The following C17orf107 variants were observed in gnomAD, a reference collection of about 807,000 sequenced individuals.
The protein encoded by C17orf107 is chromosome 17 open reading frame 107, also known as uncharacterized protein C17orf107.
Under a neutral mutation model 8.9 loss-of-function variants are expected in C17orf107, and 9 were observed. That is an observed-to-expected ratio of 1.02 (90% confidence interval 0.61 to 1.77). The LOEUF is 1.77. C17orf107 is among the 40% of genes most tolerant of loss of function. C17orf107 has a pLI of 0.00. For missense variants in C17orf107, 281 were observed against 249.0 expected, an observed-to-expected ratio of 1.13 and a Z score of -0.86; for synonymous variants, 139 against 120.3, an observed-to-expected ratio of 1.16 and a Z score of -1.02.
At position 4,901,967 on chromosome 17, in the gene C17orf107, G is replaced by A. The variant is rs139625105; in HGVS notation, c.*1434G>A. ...GCGAACAGTTCTGCCAATCGAAGGGGAAGTAGGTGACCTCCACTGCGCAGA... is the reference window on the plus strand; with the variant it reads ...GCGAACAGTTCTGCCAATCGAAGGGAAAGTAGGTGACCTCCACTGCGCAGA... On this transcript the variant is annotated 3_prime_UTR_variant, in exon 3 of 3. Coordinates refer to ENST00000381365, the MANE Select transcript of C17orf107 (RefSeq NM_001145536.2). The A allele has an allele frequency of 2.8e-4, 456 of 1,614,032 alleles. 1 individual carries two copies. Among genetic ancestry groups the A allele is most frequent in the South Asian group, 7.6e-4 (69 of 91,084 alleles).
rs753951775 is a variant in C17orf107 at position 4,901,043 on chromosome 17, G to C, written c.*510G>C. Reference sequence around the variant, plus strand: ...CACCAGGCCCGAGATGAGCACACAGGGCACGATGATGTTAATGACGTAGAA... The same window carrying C: ...CACCAGGCCCGAGATGAGCACACAGCGCACGATGATGTTAATGACGTAGAA... On this transcript the variant is annotated 3_prime_UTR_variant, in exon 3 of 3. Transcript: ENST00000381365. 6.2e-7 allele frequency: 1 copy of C among 1,613,914 alleles called. No homozygotes were observed. The highest frequency in any genetic ancestry group is 8.5e-7 in the Non-Finnish European group (1 of 1,179,970).
rs1969977395 is a variant in C17orf107, at chr17:4,901,299, A to AGGATG, written c.*769_*773dup. On this transcript the variant is annotated 3_prime_UTR_variant, in exon 3 of 3. Coordinates refer to ENST00000381365, the MANE Select transcript of C17orf107 (RefSeq NM_001145536.2). Reference sequence around the variant, plus strand: ...GTCTGCACCAGGGTCATGGGCCGTCAGGATGGGGGCAATTACGGACAGAAA... The same window carrying AGGATG: ...GTCTGCACCAGGGTCATGGGCCGTCAGGATGGGATGGGGGCAATTACGGACAGAAA... 5 of 1,256,612 alleles carry AGGATG rather than the reference A, an allele frequency of 4.0e-6. No homozygotes were observed. Among genetic ancestry groups the AGGATG allele is most frequent in the Admixed American group, 1.9e-5 (1 of 53,456 alleles). The allele number at this position is 1,256,612 out of a possible 1,614,324, so 77.8% of individuals were successfully genotyped here. A position where few individuals can be genotyped will look rare whatever the true frequency, so the allele number is the denominator to read the frequency against.
In C17orf107 at chr17:4,900,854, A is replaced by G; in HGVS notation, c.*321A>G. On this transcript the variant is annotated 3_prime_UTR_variant, in exon 3 of 3. Transcript: ENST00000381365. Reference sequence around the variant, plus strand: ...ATTTTCTGGGCAATGAGGAACAAGAAGACGGTCTGGGCGAGCAGGACGTTG... The same window carrying G: ...ATTTTCTGGGCAATGAGGAACAAGAGGACGGTCTGGGCGAGCAGGACGTTG... 1.9e-6 allele frequency: 3 copies of G among 1,614,192 alleles called. No individual in the cohort carries two copies. Among genetic ancestry groups the G allele is most frequent in the Non-Finnish European group, 2.5e-6 (3 of 1,179,996 alleles).
At chr17:4,903,557 A>C (rs1198987577), downstream of C17orf107, among the ~76,000 whole-genome samples, 4 of 152,168 alleles carry the variant, frequency 2.6e-5, no homozygotes, top group African/African-American at 9.7e-5. Context: ...GTGGCAAAAA[A>C]CAGTCTCCAT....
In C17orf107 at chr17:4,900,645, G is replaced by T; in HGVS notation, c.*112G>T. 6.9e-7 allele frequency: 1 copy of T among 1,458,868 alleles called. No individual in the cohort carries two copies. The highest frequency in any genetic ancestry group is 9.3e-7 in the Non-Finnish European group (1 of 1,071,732). 90.4% of individuals were successfully genotyped at this position (1,458,868 alleles called of 1,614,324 possible). A position where few individuals can be genotyped will look rare whatever the true frequency, so the allele number is the denominator to read the frequency against. ...AGCAGTGAGGAGGACGGCGGACCAG[G>T]GACTCCATCCCCGTACCAGCCCCAC... On this transcript the variant is annotated 3_prime_UTR_variant, in exon 3 of 3. Coordinates refer to ENST00000381365, the MANE Select transcript of C17orf107 (RefSeq NM_001145536.2).
Position 4,900,220 on chromosome 17 carries a change from C to T in C17orf107, c.277-17C>T, listed in dbSNP as rs758181895. On this transcript the variant is annotated splice_polypyrimidine_tract_variant and intron_variant, in intron 2 of 2. Transcript: ENST00000381365. ...AGGACCTCTGCCTCCCCGCTAACCC[C>T]TGTGCCCCCAATGCAGATCTCAGCC... 1.6e-5 allele frequency: 24 copies of T among 1,546,056 alleles called. No homozygotes were observed. In the South Asian group the frequency reaches 2.5e-4, roughly 16 times the overall value.
Position 4,901,654 on chromosome 17 carries a change from C to T in C17orf107, c.*1121C>T, listed in dbSNP as rs754488221. ...CGGAGCCAGGGCCGGGAGCCCACCC[C>T]AGAAGCTCTGACCTGGGCCCCGGCC... On this transcript the variant is annotated 3_prime_UTR_variant, in exon 3 of 3. Coordinates refer to ENST00000381365, the MANE Select transcript of C17orf107 (RefSeq NM_001145536.2). 8 of 1,602,194 alleles carry T rather than the reference C, an allele frequency of 5.0e-6. No individual in the cohort carries two copies. Among genetic ancestry groups the T allele is most frequent in the Admixed American group, 3.3e-5 (2 of 59,934 alleles).
chr17:4,899,813 C>G lies in C17orf107; in HGVS notation c.51C>G (p.Phe17Leu), dbSNP rs745578004. Residue 17 changes from phenylalanine (F) to leucine (L), a missense_variant, in exon 1 of 3, where the codon TTC becomes TTG. Transcript: ENST00000381365. ...ACACCCTGATGTGGATCTACCACTT[C>G]CACAGCTCCACCGAGGTGAGGCTAC... is the stretch of plus-strand genomic sequence containing the variant. ...SLDTLMWIYH[F>L]HSSTEVALQP... The G allele has an allele frequency of 3.0e-5, 47 of 1,551,122 alleles. No homozygotes were observed. Among genetic ancestry groups the G allele is most frequent in the Non-Finnish European group, 3.9e-5 (45 of 1,146,980 alleles).
At chr17:4,905,013 G>A (rs1207995041), downstream of C17orf107, among the ~76,000 whole-genome samples, 1 of 152,292 alleles carries the variant, frequency 6.6e-6, no homozygotes, top group East Asian at 1.9e-4. Context: ...GAGCTTCCGC[G>A]TCAAGGCTTG....
downstream of C17orf107, among the ~76,000 whole-genome samples, chr17:4,904,678 T>TTGC (rs1970068684): frequency 6.6e-6 from 1 of 152,188 alleles, no homozygotes; most frequent in Non-Finnish European, 1.5e-5. Flanking sequence ...ATGAGACTTA[T>TTGC]CAATCAACTC....
Position 4,901,732 on chromosome 17 carries a change from C to A in C17orf107, c.*1199C>A, listed in dbSNP as rs1054047383. ...TAGCGGGGCCGCGATCCCAAGCCCACCCCTTCACCCAAGCCCAGCCCGCAC... is the reference window on the plus strand; with the variant it reads ...TAGCGGGGCCGCGATCCCAAGCCCAACCCTTCACCCAAGCCCAGCCCGCAC... On this transcript the variant is annotated 3_prime_UTR_variant, in exon 3 of 3. Transcript: ENST00000381365. 1 of 1,289,390 alleles carries A rather than the reference C, an allele frequency of 7.8e-7. No homozygotes were observed. 79.9% of individuals were successfully genotyped at this position (1,289,390 alleles called of 1,614,324 possible). A position where few individuals can be genotyped will look rare whatever the true frequency, so the allele number is the denominator to read the frequency against.
chr17:4,901,846 C>T lies in C17orf107; in HGVS notation c.*1313C>T. ...TCCGCCTCCAGCGCGAAGCCCCGCC[C>T]CGAGGGCGGTGCTTCCCGGTTGGCC... On this transcript the variant is annotated 3_prime_UTR_variant, in exon 3 of 3. Transcript: ENST00000381365. 1 of 1,585,580 alleles carries T rather than the reference C, an allele frequency of 6.3e-7. No individual in the cohort carries two copies. The highest frequency in any genetic ancestry group is 1.3e-5 in the African/African-American group (1 of 74,260).
In C17orf107 at chr17:4,899,941, C is replaced by A. The variant is rs764007706; in HGVS notation, c.72C>A (p.Ala24=). 15 of 1,550,328 alleles carry A rather than the reference C, an allele frequency of 9.7e-6. No individual in the cohort carries two copies. In the African/African-American group the frequency reaches 1.1e-4, roughly 11 times the overall value. ...IYHFHSSTEV[A]LQPPLLSSLE... ...CTGCTCTGCTCCTTCTCCAGGTGGC[C>A]CTCCAGCCCCCGCTTCTGTCTTCCC... The change falls in exon 2 of 3, where the codon GCC becomes GCA. Residue 24 remains alanine, a synonymous_variant. Coordinates refer to ENST00000381365, the MANE Select transcript of C17orf107 (RefSeq NM_001145536.2).
chr17:4,906,076 C>T (rs563882776), downstream of C17orf107, among the ~76,000 whole-genome samples: 28 of 152,322 alleles, frequency 1.8e-4, 1 homozygote, highest in African/African-American at 6.0e-4. Context: ...TCTGCTTTCT[C>T]GTCACCTGTG....
Position 4,899,709 on chromosome 17 carries a change from A to T in C17orf107, c.-54A>T. On this transcript the variant is annotated 5_prime_UTR_variant, in exon 1 of 3. Coordinates refer to ENST00000381365, the MANE Select transcript of C17orf107 (RefSeq NM_001145536.2). ...TACGCCCTCCAGCTGCGCCCCCTAC[A>T]CGACGACAGACGCGTCCCCCAGCCC... The T allele has an allele frequency of 6.6e-7, 1 of 1,508,654 alleles. No individual in the cohort carries two copies. Among genetic ancestry groups the T allele is most frequent in the Non-Finnish European group, 9.0e-7 (1 of 1,108,552 alleles). 93.5% of individuals were successfully genotyped at this position (1,508,654 alleles called of 1,614,324 possible).
In C17orf107 at chr17:4,902,033, G is replaced by T. The variant is rs751665448; in HGVS notation, c.*1500G>T. The T allele has an allele frequency of 6.2e-7, 1 of 1,614,092 alleles. No homozygotes were observed. The highest frequency in any genetic ancestry group is 8.5e-7 in the Non-Finnish European group (1 of 1,180,046). On this transcript the variant is annotated 3_prime_UTR_variant, in exon 3 of 3. Coordinates refer to ENST00000381365, the MANE Select transcript of C17orf107 (RefSeq NM_001145536.2). The surrounding 1 kb of genome is among the most constrained non-coding windows in gnomAD (Gnocchi z 4.0). ...CCGGAGGCAGCCACGTCACGGAGCC[G>T]CCCTCGTAGACGAGCACGTTGGCGT... is the stretch of plus-strand genomic sequence containing the variant.
In C17orf107 at chr17:4,902,670, T is replaced by C. The variant is rs753272609; in HGVS notation, c.*2137T>C. 1.2e-5 allele frequency: 19 copies of C among 1,613,690 alleles called. No individual in the cohort carries two copies. The highest frequency in any genetic ancestry group is 1.6e-5 in the Non-Finnish European group (19 of 1,179,934). ...GACCTTGAGGCTGATGGTGACAGTA[T>C]CCTCAGGCTCCCGCACTGGCCGGCT... On this transcript the variant is annotated 3_prime_UTR_variant, in exon 3 of 3. Coordinates refer to ENST00000381365, the MANE Select transcript of C17orf107 (RefSeq NM_001145536.2). The surrounding 1 kb of genome is among the most constrained non-coding windows in gnomAD (Gnocchi z 4.0).
rs141183965 is a variant in C17orf107 at position 4,901,121 on chromosome 17, C to T, written c.*588C>T. On this transcript the variant is annotated 3_prime_UTR_variant, in exon 3 of 3. Coordinates refer to ENST00000381365, the MANE Select transcript of C17orf107 (RefSeq NM_001145536.2). Reference sequence around the variant, plus strand: ...GTAGATGACGTCAGTCTCCCCTGGGCCGTCGGTGGCGCCACCGTGGTGGCG... The same window carrying T: ...GTAGATGACGTCAGTCTCCCCTGGGTCGTCGGTGGCGCCACCGTGGTGGCG... 3.0e-4 allele frequency: 490 copies of T among 1,612,754 alleles called. 1 individual carries two copies. Among genetic ancestry groups the T allele is most frequent in the Non-Finnish European group, 4.1e-4 (481 of 1,179,952 alleles).
Position 4,901,430 on chromosome 17 carries a change from C to G in C17orf107, c.*897C>G. On this transcript the variant is annotated 3_prime_UTR_variant, in exon 3 of 3. Coordinates refer to ENST00000381365, the MANE Select transcript of C17orf107 (RefSeq NM_001145536.2). ...GCTAAACCCAGTTGTGGAAGTCATCCTCCAGTGTCGTTGGTCCGGGGCAAG... is the reference window on the plus strand; with the variant it reads ...GCTAAACCCAGTTGTGGAAGTCATCGTCCAGTGTCGTTGGTCCGGGGCAAG... 1 of 1,167,406 alleles carries G rather than the reference C, an allele frequency of 8.6e-7. No individual in the cohort carries two copies. The highest frequency in any genetic ancestry group is 2.3e-5 in the East Asian group (1 of 42,576). 72.3% of individuals were successfully genotyped at this position (1,167,406 alleles called of 1,614,324 possible). A position where few individuals can be genotyped will look rare whatever the true frequency, so the allele number is the denominator to read the frequency against.
Sources: allele counts gnomAD v4.1 joint callset (sites outside exome capture counted in the v4.1 genomes callset), GRCh38; gene constraint gnomAD v4.1.1; non-coding constraint Gnocchi (gnomAD v3.1); transcripts MANE v1.5; gene names NCBI Gene and HGNC (gene_info 2026-07-23, HGNC 2026-07-21).